Variants in NKAIN3 observed in about 807,000 individuals in gnomAD.
NKAIN3 encodes sodium/potassium transporting ATPase interacting 3, also known as sodium/potassium-transporting ATPase subunit beta-1-interacting protein 3.
NKAIN3 carries 25 observed loss-of-function variants against 30.2 expected under a neutral mutation model. The observed-to-expected ratio is 0.83, with a 90% CI of 0.60 to 1.16. The LOEUF is 1.16. Among genes scored for constraint, NKAIN3 ranks in the 50% most tolerant of loss-of-function variants. NKAIN3 has a pLI of 0.00. For synonymous variants in NKAIN3, 91 were observed against 89.6 expected, an observed-to-expected ratio of 1.02 and a Z score of -0.09; for missense variants, 225 against 254.1, an observed-to-expected ratio of 0.89 and a Z score of 0.78.
At chr8:62,925,116 C>T (rs1472704757) in intron 5 of NKAIN3, among the ~76,000 whole-genome samples, 1 of 152,174 alleles carries the variant, frequency 6.6e-6, no homozygotes, top group Non-Finnish European at 1.5e-5. Context: ...CTCCATGCCG[C>T]AGTAGACCCT....
chr8:62,742,448 G>A (rs1385956504), intron 3 of NKAIN3, among the ~76,000 whole-genome samples: 1 of 152,166 alleles, frequency 6.6e-6, no homozygotes, highest in Non-Finnish European at 1.5e-5. Context: ...AAAAGACAGA[G>A]AGATCTGTAT....
At chr8:62,264,684 A>G (rs1322919887) in intron 1 of NKAIN3, among the ~76,000 whole-genome samples, 2 of 152,206 alleles carry the variant, frequency 1.3e-5, no homozygotes, top group East Asian at 1.9e-4. Context: ...AGCTCTTACT[A>G]CTGAGAAAGA....
At chr8:62,597,905 C>G (rs1810880411) in intron 3 of NKAIN3, among the ~76,000 whole-genome samples, 2 of 151,632 alleles carry the variant, frequency 1.3e-5, no homozygotes, top group Admixed American at 1.3e-4. Context: ...TTATGTTTAA[C>G]TTTTAATTTA....
intron 3 of NKAIN3, among the ~76,000 whole-genome samples, chr8:62,610,739 T>G (rs1212196292): frequency 6.6e-6 from 1 of 152,158 alleles, no homozygotes; most frequent in African/African-American, 2.4e-5. Flanking sequence ...TATTTCTCTT[T>G]TCCTTGTGTT....
intron 3 of NKAIN3, among the ~76,000 whole-genome samples, chr8:62,664,139 A>C (rs910976021): frequency 5.3e-5 from 8 of 151,946 alleles, no homozygotes; most frequent in African/African-American, 7.3e-5. Context: ...AGAAGCTTTT[A>C]CCTGTAAGAA....
intron 4 of NKAIN3, among the ~76,000 whole-genome samples, chr8:62,910,914 A>C (rs1053218090): frequency 6.6e-6 from 1 of 152,176 alleles, no homozygotes; most frequent in African/African-American, 2.4e-5. Flanking sequence ...CTTCCAGTAA[A>C]TGCCAATGGA....
intron 4 of NKAIN3, among the ~76,000 whole-genome samples, chr8:62,775,357 T>A (rs1341009324): frequency 6.6e-6 from 1 of 152,058 alleles, no homozygotes; most frequent in Non-Finnish European, 1.5e-5. Context: ...AAAAACAAAA[T>A]TTTCATTTTG....
intron 4 of NKAIN3, among the ~76,000 whole-genome samples, chr8:62,867,142 G>A: frequency 6.6e-6 from 1 of 151,096 alleles, no homozygotes; most frequent in Non-Finnish European, 1.5e-5. Flanking sequence ...GTAACCATAG[G>A]GTCTCTATTT....
chr8:62,660,414 T>A (rs1812908593), intron 3 of NKAIN3, among the ~76,000 whole-genome samples: 1 of 152,172 alleles, frequency 6.6e-6, no homozygotes, highest in Non-Finnish European at 1.5e-5. Context: ...GGTATCCATG[T>A]GTGAATTATA....
At chr8:62,642,341 C>T (rs1216389564) in intron 3 of NKAIN3, among the ~76,000 whole-genome samples, 1 of 152,078 alleles carries the variant, frequency 6.6e-6, no homozygotes, top group Non-Finnish European at 1.5e-5. Context: ...CTAATGGGCA[C>T]AGTCCATTAC....
chr8:62,412,118 T>A (rs1342054054), intron 1 of NKAIN3, among the ~76,000 whole-genome samples: 1 of 152,150 alleles, frequency 6.6e-6, no homozygotes, highest in Non-Finnish European at 1.5e-5. Context: ...AAAGCAATAC[T>A]GAGCATAAAG....
intron 4 of NKAIN3, among the ~76,000 whole-genome samples, chr8:62,903,119 CA>C (rs754805576): frequency 7.9e-5 from 12 of 152,258 alleles, no homozygotes; most frequent in East Asian, 7.7e-4. Flanking sequence ...AGTAAATCCC[CA>C]GAGCTTGAAT....
chr8:62,597,482 T>C (rs1810868158), intron 3 of NKAIN3, among the ~76,000 whole-genome samples: 1 of 152,056 alleles, frequency 6.6e-6, no homozygotes, highest in African/African-American at 2.4e-5. Context: ...ATTTTCACTT[T>C]TTGTTAATAG....
At chr8:62,557,888 C>T (rs1809457008) in intron 1 of NKAIN3, among the ~76,000 whole-genome samples, 2 of 152,110 alleles carry the variant, frequency 1.3e-5, no homozygotes, top group Non-Finnish European at 2.9e-5. Flanking sequence ...GTTCCTTTTG[C>T]TGTGCAAAAG....
rs1326501536 is a variant in NKAIN3, at chr8:62,973,488, T to A, written c.*8081T>A. 6.6e-6 allele frequency among the ~76,000 whole-genome samples: 1 copy of A among 152,220 alleles called. No individual in the cohort carries two copies. The highest frequency in any genetic ancestry group is 1.5e-5 in the Non-Finnish European group (1 of 68,038). ...TTCTTTTAAGAAGTGTCTATTCATA[T>A]CCTTAACCCACTTTTTGATGGAGTT... On this transcript the variant is annotated 3_prime_UTR_variant, in exon 7 of 7. Coordinates refer to ENST00000623646, the MANE Select transcript of NKAIN3 (RefSeq NM_001304533.3).
At chr8:62,367,404 G>C (rs1041302134) in intron 1 of NKAIN3, among the ~76,000 whole-genome samples, 1 of 152,122 alleles carries the variant, frequency 6.6e-6, no homozygotes, top group Non-Finnish European at 1.5e-5. Context: ...GGGCTGCAAG[G>C]ATGGTTCAAT....
At chr8:62,278,442 A>C (rs953619575) in intron 1 of NKAIN3, among the ~76,000 whole-genome samples, 5 of 151,728 alleles carry the variant, frequency 3.3e-5, no homozygotes, top group Non-Finnish European at 7.4e-5. Flanking sequence ...GGTTTGTTAC[A>C]TATGTATACA....
rs115860395 is a variant in NKAIN3, at chr8:62,737,376, T to A, written c.274-9556T>A. Among the ~76,000 whole-genome samples the A allele has an allele frequency of 5.0e-3, 768 of 152,332 alleles. 3 individuals are homozygous for A. The highest frequency in any genetic ancestry group is 0.017 in the African/African-American group (713 of 41,574). On this transcript the variant is annotated intron_variant, in intron 3 of 6. Transcript: ENST00000623646. Reference sequence around the variant, plus strand: ...TAACTTTCTCATATCACTTTTACAATAAGCAGATACTATTGTTCTTTGGCT... The same window carrying A: ...TAACTTTCTCATATCACTTTTACAAAAAGCAGATACTATTGTTCTTTGGCT...
intron 4 of NKAIN3, among the ~76,000 whole-genome samples, chr8:62,872,435 G>A (rs1194946121): frequency 6.6e-6 from 1 of 152,076 alleles, no homozygotes; most frequent in Non-Finnish European, 1.5e-5. Flanking sequence ...TAACATCTAG[G>A]GTATGTAAAG....
Sources: allele counts gnomAD v4.1 joint callset (sites outside exome capture counted in the v4.1 genomes callset), GRCh38; gene constraint gnomAD v4.1.1; transcripts MANE v1.5; gene names NCBI Gene and HGNC (gene_info 2026-07-23, HGNC 2026-07-21).